Variants in ASPG observed in about 807,000 individuals in gnomAD.
ASPG encodes 60 kDa lysophospholipase.
A neutral mutation model predicts 63.2 loss-of-function variants in ASPG; 53 were observed. The ratio of observed to expected loss-of-function variants is 0.84; its 90% CI spans 0.67 to 1.05. The LOEUF (loss-of-function observed/expected upper bound fraction) is 1.05, where lower values mean the gene tolerates loss of function less well. ASPG is among the 50% of genes least tolerant of loss of function. The pLI is 0.00. For synonymous variants in ASPG, 370 were observed against 355.0 expected (o/e 1.04, Z -0.48); for missense variants, 741 against 794.4 (o/e 0.93, Z 0.81).
chr14:104,085,725 G>C lies in ASPG; in HGVS notation c.-46G>C, dbSNP rs775139987. The stretch of plus-strand genomic sequence containing the variant: ...AGTCCCTGAGTCCCGCAGGCCCTGC[G>C]TCCCCGCTGCACACCCCCGTCCACT... On this transcript the variant is annotated 5_prime_UTR_variant, in exon 1 of 16. Coordinates refer to ENST00000551177, the MANE Select transcript of ASPG (RefSeq NM_001080464.3). The C allele has an allele frequency of 3.4e-6, 5 of 1,481,922 alleles. No individual in the cohort carries two copies. In the South Asian group the frequency reaches 5.2e-5, roughly 15 times the overall value. The allele number at this position is 1,481,922 out of a possible 1,614,324, so 91.8% of individuals were successfully genotyped here.
intron 4 of ASPG, among the ~76,000 whole-genome samples, chr14:104,096,945 T>C (rs893294580): frequency 2.6e-5 from 4 of 152,322 alleles, no homozygotes; most frequent in South Asian, 4.1e-4. Context: ...GGACGCGCTG[T>C]TCAGTCAACC....
In ASPG at chr14:104,110,940, A is replaced by AC. The variant is rs1241523128; in HGVS notation, c.1521-555dup. 6 of 984,524 alleles carry AC rather than the reference A, an allele frequency of 6.1e-6. No individual in the cohort carries two copies. The highest frequency in any genetic ancestry group is 4.7e-5 in the South Asian group (1 of 21,228). The allele number at this position is 984,524 out of a possible 1,614,324, so 61.0% of individuals were successfully genotyped here. A position where few individuals can be genotyped will look rare whatever the true frequency, so the allele number is the denominator to read the frequency against. On this transcript the variant is annotated intron_variant, in intron 13 of 15. Coordinates refer to ENST00000551177, the MANE Select transcript of ASPG (RefSeq NM_001080464.3). This position sits in a 1 kb window ranked among gnomAD's most constrained non-coding sequence, Gnocchi z 4.7. The stretch of plus-strand genomic sequence containing the variant: ...GGCCCAGACCCCTGTCCCAGCCAGG[A>AC]CCCCCCCATGCAGTCTGCCGGGGTC...
intron 2 of ASPG, 93 bp downstream of exon 2, chr14:104,092,834 C>T (rs1239889623): frequency 1.9e-6 from 2 of 1,075,460 alleles, no homozygotes; most frequent in African/African-American, 3.1e-5. Context: ...CCCACGTGAG[C>T]CATTTGCTCA....
intron 10 of ASPG, among the ~76,000 whole-genome samples, chr14:104,106,544 C>T (rs774965479): frequency 6.6e-5 from 10 of 152,122 alleles, no homozygotes; most frequent in African/African-American, 1.4e-4. Flanking sequence ...CCGTTGGGGA[C>T]AGGGCTGGAT....
At chr14:104,092,502 TCCTC>T in intron 1 of ASPG, 127 bp from the exon 2 acceptor site, 1 of 777,280 alleles carries the variant, frequency 1.3e-6, no homozygotes, top group Non-Finnish European at 2.1e-6. Flanking sequence ...CCATAGCCCT[TCCTC>T]CCAGCCTCTG....
At chr14:104,099,244 G>A (rs1368186483) in intron 6 of ASPG, among the ~76,000 whole-genome samples, 2 of 152,138 alleles carry the variant, frequency 1.3e-5, no homozygotes, top group Non-Finnish European at 2.9e-5. Context: ...GGGGCATCTG[G>A]CCCTCATGTG....
intron 12 of ASPG, among the ~76,000 whole-genome samples, chr14:104,107,825 GC>G (rs2037205323): frequency 6.6e-6 from 1 of 152,224 alleles, no homozygotes; most frequent in Non-Finnish European, 1.5e-5. Flanking sequence ...TGCGTGGGGG[GC>G]GGGGCCAGCA....
rs1346463148 is a variant in ASPG, at chr14:104,111,977, G to A, written c.1678G>A (p.Val560Ile). 3 of 1,556,288 alleles carry A rather than the reference G, an allele frequency of 1.9e-6. No homozygotes were observed. Among genetic ancestry groups the A allele is most frequent in the African/African-American group, 2.7e-5 (2 of 73,210 alleles). ...VAFLQSLEGAVGAQAPCPEVL... is the reference protein window; with the variant it reads ...VAFLQSLEGAIGAQAPCPEVL... Reference sequence around the variant, plus strand: ...CTTTCTACAGAGCCTGGAGGGTGCGGTTGGTGCCCAGGCCCCATGCCCAGT... The same window carrying A: ...CTTTCTACAGAGCCTGGAGGGTGCGATTGGTGCCCAGGCCCCATGCCCAGT... The change falls in exon 15 of 16, where the codon GTT becomes ATT. Residue 560 changes from valine (V) to isoleucine (I), a missense_variant. By Grantham distance (29) the Val-to-Ile change is conservative (BLOSUM62 3). Transcript: ENST00000551177.
At chr14:104,111,459 G>A in intron 13 of ASPG, 43 bp from the exon 14 acceptor site, 2 of 1,489,864 alleles carry the variant, frequency 1.3e-6, no homozygotes, top group Non-Finnish European at 1.8e-6. Flanking sequence ...ATGGACAGGT[G>A]CCCAGCAGGC....
Position 104,106,881 on chromosome 14 carries a change from C to T in ASPG, c.1256C>T (p.Ala419Val), listed in dbSNP as rs746354566. 51 of 1,581,080 alleles carry T rather than the reference C, an allele frequency of 3.2e-5. No homozygotes were observed. Among genetic ancestry groups the T allele is most frequent in the Admixed American group, 2.1e-4 (12 of 56,304 alleles). ...AHAGDVEALQ[A>V]LVELGSDLGL... ...GCCGGTGACGTGGAGGCGCTGCAGG[C>T]GCTTGTGGAGCTGGTGAGCCTCCCC... The change falls in exon 11 of 16, where the codon GCG becomes GTG. Residue 419 changes from alanine to valine, a missense_variant. Ala to Val is a moderately conservative substitution (Grantham distance 64, BLOSUM62 0). Transcript: ENST00000551177.
Position 104,107,263 on chromosome 14 carries a change from A to C in ASPG, c.1351A>C (p.Thr451Pro), listed in dbSNP as rs938655803. ...CCGGGGAGGCCACACAGAGGCAGTC[A>C]CCATGCTGCTGCAGAGAGGTGTGGA... is the stretch of plus-strand genomic sequence containing the variant. Reference protein sequence around the residue: ...AARGGHTEAVTMLLQRGVDVN... With the variant: ...AARGGHTEAVPMLLQRGVDVN... The change falls in exon 12 of 16, where the codon ACC becomes CCC. Residue 451 changes from threonine to proline, a missense_variant. Coordinates refer to ENST00000551177, the MANE Select transcript of ASPG (RefSeq NM_001080464.3). 6.2e-7 allele frequency: 1 copy of C among 1,609,404 alleles called. No homozygotes were observed.
chr14:104,105,476 G>T, intron 10 of ASPG, 26 bp downstream of exon 10: 1 of 1,529,392 alleles, frequency 6.5e-7, no homozygotes, highest in South Asian at 1.3e-5. Context: ...ACGGGCCTGA[G>T]TGGCAGCTGG....
chr14:104,105,518 G>A, intron 10 of ASPG, 68 bp downstream of exon 10: 2 of 1,472,090 alleles, frequency 1.4e-6, no homozygotes, highest in Admixed American at 2.4e-5. Context: ...ACCCTGGGAT[G>A]CACCAGGCAG....
chr14:104,104,820 G>A (rs373066333), intron 9 of ASPG, 85 bp downstream of exon 9: 10 of 1,167,094 alleles, frequency 8.6e-6, no homozygotes, highest in African/African-American at 3.1e-5. Context: ...GGGCGATGCC[G>A]GAAGAGCCTG....
chr14:104,104,172 T>C lies in ASPG; in HGVS notation c.754-132T>C, dbSNP rs1023605817. 5.7e-6 allele frequency: 6 copies of C among 1,044,548 alleles called. No individual in the cohort carries two copies. In the Admixed American group the frequency reaches 8.5e-5, roughly 15 times the overall value. 64.7% of individuals were successfully genotyped at this position (1,044,548 alleles called of 1,614,324 possible). On this transcript the variant is annotated intron_variant, in intron 7 of 15. Coordinates refer to ENST00000551177, the MANE Select transcript of ASPG (RefSeq NM_001080464.3). ...CATGCACGTCTGCCAGGAGCCCCAC[T>C]GTCCCGGGAGCAGAGCAGGCACCAG... is the stretch of plus-strand genomic sequence containing the variant.
In ASPG at chr14:104,085,740, C is replaced by G; in HGVS notation, c.-31C>G. ...CAGGCCCTGCGTCCCCGCTGCACAC[C>G]CCCGTCCACTCCCGTGGTCCCCGGT... On this transcript the variant is annotated 5_prime_UTR_variant, in exon 1 of 16. Transcript: ENST00000551177. The G allele has an allele frequency of 6.4e-7, 1 of 1,553,850 alleles. No homozygotes were observed. The highest frequency in any genetic ancestry group is 8.6e-7 in the Non-Finnish European group (1 of 1,159,480).
intron 4 of ASPG, among the ~76,000 whole-genome samples, chr14:104,096,929 C>A (rs2036620853): frequency 6.6e-6 from 1 of 152,222 alleles, no homozygotes; most frequent in Non-Finnish European, 1.5e-5. Context: ...CACCTGCGCC[C>A]TCCTGGGACG....
intron 5 of ASPG, among the ~76,000 whole-genome samples, chr14:104,098,365 C>T (rs2036720785): frequency 6.6e-6 from 1 of 152,150 alleles, no homozygotes; most frequent in South Asian, 2.1e-4. Flanking sequence ...AAAGATCTCC[C>T]CCACCCTGGG....
At position 104,104,742 on chromosome 14, in the gene ASPG, G is replaced by A. The variant is rs1422546931; in HGVS notation, c.1050+7G>A. On this transcript the variant is annotated splice_region_variant and intron_variant, in intron 9 of 15. Transcript: ENST00000551177. ...CCTGGATGTCAGGAAGGAGGTGCGG[G>A]CGCTCTCGGGCTGTGGGCAACCCTC... is the stretch of plus-strand genomic sequence containing the variant. The A allele has an allele frequency of 1.3e-6, 2 of 1,580,668 alleles. No individual in the cohort carries two copies. The highest frequency in any genetic ancestry group is 1.7e-6 in the Non-Finnish European group (2 of 1,159,426).
Sources: allele counts gnomAD v4.1 joint callset (sites outside exome capture counted in the v4.1 genomes callset), GRCh38; gene constraint gnomAD v4.1.1; non-coding constraint Gnocchi (gnomAD v3.1); transcripts MANE v1.5; gene names NCBI Gene and HGNC (gene_info 2026-07-23, HGNC 2026-07-21).